The following DHRS3 variants were observed in gnomAD, a reference collection of about 807,000 sequenced individuals.
The protein encoded by DHRS3 is short-chain dehydrogenase/reductase 3.
Under a neutral mutation model 27.2 loss-of-function variants are expected in DHRS3, and 14 were observed. The ratio of observed to expected loss-of-function variants is 0.52; its 90% confidence interval spans 0.34 to 0.81. The LOEUF (loss-of-function observed/expected upper bound fraction) is 0.81, where lower values mean the gene tolerates loss of function less well. DHRS3 is among the 30% of genes least tolerant of loss of function. The pLI is 0.01. For synonymous variants in DHRS3, 165 were observed against 175.9 expected (o/e 0.94, Z 0.49); for missense variants, 322 against 406.2 (o/e 0.79, Z 1.78).
chr1:12,614,523 A>G (rs958461182), intron 1 of DHRS3, among the ~76,000 whole-genome samples: 2 of 151,780 alleles, frequency 1.3e-5, no homozygotes, highest in Non-Finnish European at 2.9e-5. Flanking sequence ...TAAAAAAAAA[A>G]AAACCCTCGC....
chr1:12,616,715 A>C, intron 1 of DHRS3: 2 of 1,006,126 alleles, frequency 2.0e-6, no homozygotes, highest in Non-Finnish European at 1.2e-6. Flanking sequence ...GGGGCTGGGT[A>C]GCGGGTTGCC....
chr1:12,571,043 G>C (rs1367034420), intron 5 of DHRS3, among the ~76,000 whole-genome samples: 1 of 152,246 alleles, frequency 6.6e-6, no homozygotes, highest in African/African-American at 2.4e-5. Context: ...GCAGGGGCCA[G>C]CCTGGCACTT....
intron 1 of DHRS3, among the ~76,000 whole-genome samples, chr1:12,612,864 G>A (rs1327812079): frequency 6.6e-6 from 1 of 152,044 alleles, no homozygotes; most frequent in Non-Finnish European, 1.5e-5. Context: ...TTCGAGACCA[G>A]CCTGACCAAC....
chr1:12,589,327 C>T (rs3128467), intron 1 of DHRS3, among the ~76,000 whole-genome samples: 7,368 of 152,016 alleles, frequency 0.048, 565 homozygotes, highest in African/African-American at 0.15. Context: ...TATGAATTAA[C>T]ATGATCTTAA....
Position 12,593,513 on chromosome 1 carries a change from C to T in DHRS3, c.196-12847G>A, listed in dbSNP as rs1382428769. The stretch of plus-strand genomic sequence containing the variant: ...GGTACCACACCTGGCCACCTTCTCA[C>T]AGGTTCTGCTCAAGTGTCTCTTTAC... On this transcript the variant is annotated intron_variant, in intron 1 of 5. Transcript: ENST00000616661. The surrounding 1 kb of genome is among the most constrained non-coding windows in gnomAD (Gnocchi z 4.6). Among the ~76,000 whole-genome samples, 1 of 152,126 alleles carries T rather than the reference C, an allele frequency of 6.6e-6. No homozygotes were observed. Among genetic ancestry groups the T allele is most frequent in the Non-Finnish European group, 1.5e-5 (1 of 68,018 alleles).
At chr1:12,579,715 C>T (rs533513802) in intron 2 of DHRS3, 27 of 271,530 alleles carry the variant, frequency 9.9e-5, no homozygotes, top group African/African-American at 3.4e-4. Flanking sequence ...TCAAGTGACC[C>T]GCCTGCCTCG....
intron 5 of DHRS3, among the ~76,000 whole-genome samples, chr1:12,569,365 C>T (rs1010713543): frequency 1.3e-5 from 2 of 151,422 alleles, no homozygotes; most frequent in Non-Finnish European, 2.9e-5. Flanking sequence ...GATCCTGAAA[C>T]AGAGCTCATT....
chr1:12,605,142 T>A (rs931325528), intron 1 of DHRS3, among the ~76,000 whole-genome samples: 10 of 151,368 alleles, frequency 6.6e-5, no homozygotes, highest in African/African-American at 2.4e-4. Flanking sequence ...TGCAGTCATG[T>A]AGAGTACCAA....
intron 1 of DHRS3, chr1:12,616,514 C>G (rs547481214): frequency 4.0e-5 from 39 of 973,674 alleles, no homozygotes; most frequent in Admixed American, 3.7e-4. Context: ...GGGGAGGGGA[C>G]AGGGTTGAAG....
At chr1:12,602,126 G>A (rs545364699) in intron 1 of DHRS3, among the ~76,000 whole-genome samples, 6 of 152,288 alleles carry the variant, frequency 3.9e-5, no homozygotes, top group South Asian at 2.1e-4. Context: ...TGGCCTCACC[G>A]CAGCCCGGTC....
chr1:12,611,703 G>A (rs952636535), intron 1 of DHRS3, among the ~76,000 whole-genome samples: 3 of 152,008 alleles, frequency 2.0e-5, no homozygotes, highest in African/African-American at 4.8e-5. Context: ...ATTTTTGAGC[G>A]TGCCGGGATC....
At chr1:12,615,141 C>A (rs1320663920) in intron 1 of DHRS3, among the ~76,000 whole-genome samples, 1 of 27,280 alleles carries the variant, frequency 3.7e-5, no homozygotes, top group Non-Finnish European at 8.6e-5. Flanking sequence ...CAAACAGAAG[C>A]CTCATTATAA....
intron 2 of DHRS3, 135 bp from the exon 3 acceptor site, chr1:12,579,547 C>T (rs2100659446): frequency 7.6e-7 from 1 of 1,320,438 alleles, no homozygotes; most frequent in Non-Finnish European, 1.0e-6. Flanking sequence ...ACCATCTCGG[C>T]TCACTGCCAC....
chr1:12,616,041 C>G (rs181805981), intron 1 of DHRS3, among the ~76,000 whole-genome samples: 36 of 152,266 alleles, frequency 2.4e-4, no homozygotes, highest in Non-Finnish European at 4.6e-4. Context: ...AGAGCCACCC[C>G]GGAGGAATTG....
intron 1 of DHRS3, among the ~76,000 whole-genome samples, chr1:12,590,787 C>T (rs1570379883): frequency 6.6e-6 from 1 of 152,192 alleles, no homozygotes; most frequent in Non-Finnish European, 1.5e-5. Flanking sequence ...GCCTGTCACT[C>T]GGGCACACCC....
chr1:12,587,894 A>T (rs1646711352), intron 1 of DHRS3, among the ~76,000 whole-genome samples: 1 of 152,090 alleles, frequency 6.6e-6, no homozygotes, highest in Non-Finnish European at 1.5e-5. Flanking sequence ...GCCCTCATCC[A>T]TTGGCAAGTG....
At chr1:12,610,320 G>A (rs1646900673) in intron 1 of DHRS3, among the ~76,000 whole-genome samples, 3 of 150,852 alleles carry the variant, frequency 2.0e-5, no homozygotes, top group Admixed American at 1.3e-4. Flanking sequence ...TTGAACTCCT[G>A]ACCTCAAGTG....
intron 1 of DHRS3, among the ~76,000 whole-genome samples, chr1:12,583,515 TCCATCCAC>T (rs1646664950): frequency 7.6e-6 from 1 of 132,168 alleles, no homozygotes; most frequent in African/African-American, 2.9e-5. Context: ...CATCCATCCA[TCCATCCAC>T]CCATCCATCC....
chr1:12,595,183 C>A (rs1220008077), intron 1 of DHRS3, among the ~76,000 whole-genome samples: 1 of 152,162 alleles, frequency 6.6e-6, no homozygotes, highest in African/African-American at 2.4e-5. Flanking sequence ...ACCCACCTAG[C>A]GCAGCGGGGG....
Sources: gnomAD v4.1 joint callset for allele counts (sites outside exome capture counted in the v4.1 genomes callset) on GRCh38, gnomAD v4.1.1 for gene constraint, Gnocchi (gnomAD v3.1) non-coding constraint, MANE v1.5 for transcripts, NCBI Gene and HGNC (gene_info 2026-07-23, HGNC 2026-07-21) for gene names.